SRGAP3: variants seen among roughly 807,000 people sequenced by gnomAD.
SRGAP3 encodes SLIT-ROBO Rho GTPase activating protein 3, also known as SLIT-ROBO Rho GTPase-activating protein 3.
In SRGAP3, 39 loss-of-function variants were observed where a neutral mutation model predicts 121.1. The observed-to-expected ratio is 0.32, with a 90% confidence interval of 0.25 to 0.42. The LOEUF is 0.42. Among genes scored for constraint, SRGAP3 ranks in the 10% least tolerant of loss-of-function variants. The pLI is 1.00. For missense variants in SRGAP3, 1,213 were observed against 1,470.6 expected, an observed-to-expected ratio of 0.82 and a Z score of 2.86; for synonymous variants, 601 against 570.0, an observed-to-expected ratio of 1.05 and a Z score of -0.77.
rs552899420 is a variant in SRGAP3, at chr3:9,153,453, C to G, written c.68-28536G>C. Among the ~76,000 whole-genome samples, 4 of 152,310 alleles carry G rather than the reference C, an allele frequency of 2.6e-5. No individual in the cohort carries two copies. In the East Asian group the frequency reaches 7.7e-4, roughly 29 times the overall value. ...CACACAGTTATGAAAACCCAATCCA[C>G]TCAACATATCCTTACCCACATTCTA... On this transcript the variant is annotated intron_variant, in intron 1 of 21. Transcript: ENST00000383836.
intron 1 of SRGAP3, among the ~76,000 whole-genome samples, chr3:9,201,121 G>A (rs1952056052): frequency 6.6e-6 from 1 of 152,114 alleles, no homozygotes; most frequent in African/African-American, 2.4e-5. Flanking sequence ...CATTTTGTTG[G>A]CTTAATATTG....
intron 1 of SRGAP3, among the ~76,000 whole-genome samples, chr3:9,361,005 T>C (rs1371539626): frequency 6.6e-6 from 1 of 152,234 alleles, no homozygotes; most frequent in Non-Finnish European, 1.5e-5. Flanking sequence ...GTGATTAATT[T>C]GCAATTCCCT....
rs1944558332 is a variant in SRGAP3, at chr3:9,032,821, C to T, written c.1437-69G>A. On this transcript the variant is annotated intron_variant, in intron 11 of 21. Coordinates refer to ENST00000383836, the MANE Select transcript of SRGAP3 (RefSeq NM_014850.4). ...TAAACATACAACTGGGAAAGATGCT[C>T]TTAAAACCCACGACTAAAGGGGAAC... 75 of 1,412,916 alleles carry T rather than the reference C, an allele frequency of 5.3e-5. 1 individual carries two copies. The South Asian group carries it at 7.9e-4, about 15-fold the overall frequency. The allele number at this position is 1,412,916 out of a possible 1,614,324, so 87.5% of individuals were successfully genotyped here.
At chr3:9,226,014 G>A (rs1952976120) in intron 1 of SRGAP3, among the ~76,000 whole-genome samples, 1 of 152,184 alleles carries the variant, frequency 6.6e-6, no homozygotes, top group Non-Finnish European at 1.5e-5. Context: ...ACACACCTGA[G>A]GCTGGATCGG....
At chr3:9,232,878 G>A (rs1160636119) in intron 1 of SRGAP3, among the ~76,000 whole-genome samples, 1 of 152,194 alleles carries the variant, frequency 6.6e-6, no homozygotes, top group African/African-American at 2.4e-5. Flanking sequence ...ACACATAACA[G>A]GCAAAGAAAG....
At chr3:9,328,566 G>T (rs757974715) in intron 2 of SRGAP3, among the ~76,000 whole-genome samples, 15 of 152,124 alleles carry the variant, frequency 9.9e-5, no homozygotes, top group Non-Finnish European at 1.9e-4. Context: ...TGATATTTCT[G>T]GCTTCTGAAC....
intron 1 of SRGAP3, among the ~76,000 whole-genome samples, chr3:9,334,367 T>C (rs1955655827): frequency 6.6e-6 from 1 of 152,100 alleles, no homozygotes; most frequent in African/African-American, 2.4e-5. Flanking sequence ...ACCCAAGGGC[T>C]GAGGCAGTAG....
intron 1 of SRGAP3, 80 bp from the exon 2 acceptor site, chr3:9,124,997 C>A: frequency 1.9e-6 from 3 of 1,544,752 alleles, no homozygotes; most frequent in Non-Finnish European, 1.8e-6. Flanking sequence ...CTGGCCTGGG[C>A]CCTGCAATTC....
intron 3 of SRGAP3, among the ~76,000 whole-genome samples, chr3:9,286,113 AACACAC>A (rs34023408): frequency 0.16 from 21,695 of 134,910 alleles, 1,846 homozygotes; most frequent in Admixed American, 0.29. Flanking sequence ...CCCTATCTCA[AACACAC>A]ACACACACAC....
chr3:9,203,280 A>G (rs1400617811), intron 1 of SRGAP3, among the ~76,000 whole-genome samples: 1 of 152,132 alleles, frequency 6.6e-6, no homozygotes, highest in Non-Finnish European at 1.5e-5. Flanking sequence ...AATCACCCTG[A>G]GCCTTGAACT....
At chr3:8,995,985 G>A (rs1029805444) in intron 18 of SRGAP3, among the ~76,000 whole-genome samples, 3 of 152,050 alleles carry the variant, frequency 2.0e-5, no homozygotes, top group Non-Finnish European at 4.4e-5. Context: ...GGACAATCTC[G>A]TCTTCATCGA....
intron 21 of SRGAP3, among the ~76,000 whole-genome samples, chr3:8,987,308 G>A (rs1215547274): frequency 6.6e-6 from 1 of 152,228 alleles, no homozygotes; most frequent in Non-Finnish European, 1.5e-5. Flanking sequence ...AGCTGGCTTG[G>A]CCATCGAGGG....
intron 1 of SRGAP3, among the ~76,000 whole-genome samples, chr3:9,133,467 G>C (rs572546908): frequency 6.6e-6 from 1 of 152,308 alleles, no homozygotes; most frequent in African/African-American, 2.4e-5. Context: ...CTGGGCAACA[G>C]AGCAAGACTC....
At chr3:9,051,585 T>C (rs1042749410) in intron 9 of SRGAP3, among the ~76,000 whole-genome samples, 13 of 152,192 alleles carry the variant, frequency 8.5e-5, no homozygotes, top group South Asian at 4.2e-4. Context: ...AATGGCAGCA[T>C]GTAGGGAAGA....
intron 1 of SRGAP3, among the ~76,000 whole-genome samples, chr3:9,159,025 T>C (rs1039910648): frequency 6.6e-6 from 1 of 152,170 alleles, no homozygotes; most frequent in African/African-American, 2.4e-5. Context: ...GCTCCTCTGA[T>C]ACCAGTTCTG....
At chr3:9,075,374 AGT>A (rs3067610) in intron 4 of SRGAP3, among the ~76,000 whole-genome samples, 118 of 145,204 alleles carry the variant, frequency 8.1e-4, no homozygotes, top group East Asian at 2.3e-3. Flanking sequence ...CATGTATGCA[AGT>A]GTGTGTGTGT....
intron 21 of SRGAP3, among the ~76,000 whole-genome samples, chr3:8,987,915 C>T (rs1941815659): frequency 6.6e-6 from 1 of 152,140 alleles, no homozygotes; most frequent in Non-Finnish European, 1.5e-5. Flanking sequence ...AGGAAGCCCC[C>T]TATTGACCTC....
At chr3:9,306,380 G>A (rs539323598) in intron 3 of SRGAP3, among the ~76,000 whole-genome samples, 23 of 152,158 alleles carry the variant, frequency 1.5e-4, no homozygotes, top group African/African-American at 5.3e-4. Flanking sequence ...TCACTCTGAT[G>A]GTACTTTCTT....
At chr3:9,347,037 G>A (rs1464665042) in intron 1 of SRGAP3, among the ~76,000 whole-genome samples, 2 of 151,962 alleles carry the variant, frequency 1.3e-5, no homozygotes, top group Non-Finnish European at 2.9e-5. Flanking sequence ...CAGGTGATCC[G>A]CCCACCTCGC....
Sources: gnomAD v4.1 joint callset for allele counts (sites outside exome capture counted in the v4.1 genomes callset) on GRCh38, gnomAD v4.1.1 for gene constraint, MANE v1.5 for transcripts, NCBI Gene and HGNC (gene_info 2026-07-23, HGNC 2026-07-21) for gene names.